The following CDH8 variants were observed in gnomAD, a reference collection of about 807,000 sequenced individuals.
CDH8 encodes the protein cadherin-8.
In CDH8, 17 loss-of-function variants were observed where a neutral mutation model predicts 68.1. That is an observed-to-expected ratio of 0.25 (90% confidence interval 0.17 to 0.37). The LOEUF is 0.37. Ranked by LOEUF, CDH8 falls within the 10% of genes least tolerant of loss-of-function variation. CDH8 has a pLI of 1.00. For synonymous variants in CDH8, 372 were observed against 365.1 expected (o/e 1.02, Z -0.21); for missense variants, 763 against 999.3 (o/e 0.76, Z 3.19).
rs993292756 is a variant in CDH8, at chr16:61,702,996, T to C, written c.1654+10845A>G. Among the ~76,000 whole-genome samples the C allele has an allele frequency of 6.6e-5, 10 of 152,196 alleles. No individual in the cohort carries two copies. The East Asian group carries it at 1.9e-3, about 29-fold the overall frequency. On this transcript the variant is annotated intron_variant, in intron 10 of 11. Transcript: ENST00000577390. Reference sequence around the variant, plus strand: ...ATAGGTGCCTAATAAATTTTAGACATTGATTTTTCTTGCAATTTGATATAT... The same window carrying C: ...ATAGGTGCCTAATAAATTTTAGACACTGATTTTTCTTGCAATTTGATATAT...
At chr16:61,887,477 C>T (rs1428461715) in intron 3 of CDH8, among the ~76,000 whole-genome samples, 1 of 152,112 alleles carries the variant, frequency 6.6e-6, no homozygotes, top group Non-Finnish European at 1.5e-5. Context: ...TTCTTCTGAG[C>T]CTTCTCTCTC....
chr16:61,840,206 C>A (rs1319203253), intron 4 of CDH8, among the ~76,000 whole-genome samples: 3 of 152,166 alleles, frequency 2.0e-5, no homozygotes, highest in Non-Finnish European at 4.4e-5. Flanking sequence ...ATCCCAGGCA[C>A]ACTTCATAGA....
At chr16:62,031,676 A>AC (rs1902329509) in intron 1 of CDH8, among the ~76,000 whole-genome samples, 3 of 121,986 alleles carry the variant, frequency 2.5e-5, no homozygotes, top group Non-Finnish European at 3.4e-5. Context: ...ACACACCCAC[A>AC]AACACACACA....
chr16:61,974,890 TC>T (rs1244920023), intron 2 of CDH8, among the ~76,000 whole-genome samples: 3 of 152,134 alleles, frequency 2.0e-5, no homozygotes, highest in Non-Finnish European at 4.4e-5. Context: ...CACATTGATT[TC>T]CTGATAAGAA....
intron 2 of CDH8, among the ~76,000 whole-genome samples, chr16:61,953,922 T>C (rs1322948945): frequency 1.6e-5 from 2 of 127,644 alleles, no homozygotes; most frequent in Non-Finnish European, 3.3e-5. Context: ...TATATATATA[T>C]ATATAAAATA....
intron 8 of CDH8, among the ~76,000 whole-genome samples, chr16:61,774,986 T>C (rs1342541125): frequency 6.6e-6 from 1 of 152,130 alleles, no homozygotes; most frequent in African/African-American, 2.4e-5. Context: ...TAAAAATGCA[T>C]TAATACATAA....
chr16:62,015,035 A>G (rs879484311), intron 2 of CDH8, among the ~76,000 whole-genome samples: 16 of 152,118 alleles, frequency 1.1e-4, no homozygotes, highest in Admixed American at 7.2e-4. Context: ...ACACACACAC[A>G]GAGGCTGAGC....
chr16:61,884,723 T>C (rs757107970), intron 3 of CDH8, among the ~76,000 whole-genome samples: 1 of 152,126 alleles, frequency 6.6e-6, no homozygotes, highest in African/African-American at 2.4e-5. Context: ...TACTTTATTG[T>C]AAGAATGTAG....
chr16:61,916,394 C>T (rs1297114750), intron 2 of CDH8, among the ~76,000 whole-genome samples: 2 of 151,932 alleles, frequency 1.3e-5, no homozygotes, highest in African/African-American at 4.8e-5. Context: ...GCATGCCTGA[C>T]GTCCCAGCTA....
intron 10 of CDH8, among the ~76,000 whole-genome samples, chr16:61,695,865 G>A (rs997033009): frequency 6.6e-6 from 1 of 152,108 alleles, no homozygotes; most frequent in Non-Finnish European, 1.5e-5. Flanking sequence ...AGGCATTGAA[G>A]TGTTTGCGGA....
intron 2 of CDH8, among the ~76,000 whole-genome samples, chr16:61,926,402 T>C (rs888324290): frequency 6.6e-6 from 1 of 152,160 alleles, no homozygotes; most frequent in Non-Finnish European, 1.5e-5. Context: ...AGTCTTCTGA[T>C]TTATTTGTAG....
chr16:61,779,462 T>TGC (rs1310706610), intron 8 of CDH8, among the ~76,000 whole-genome samples: 30 of 136,292 alleles, frequency 2.2e-4, no homozygotes, highest in African/African-American at 7.1e-4. Flanking sequence ...TGTGTGTGTG[T>TGC]GTGCGCGCAT....
Position 61,652,576 on chromosome 16 carries a change from A to C in CDH8, c.*1032T>G. ...AGAGACTATTAGCTCTCCTTTCGAT[A>C]ATATTGCCTGCCATACTCATCTCAT... On this transcript the variant is annotated 3_prime_UTR_variant, in exon 12 of 12. Coordinates refer to ENST00000577390, the MANE Select transcript of CDH8 (RefSeq NM_001796.5). The C allele has an allele frequency of 9.4e-7, 1 of 1,062,566 alleles. No homozygotes were observed. The highest frequency in any genetic ancestry group is 1.1e-6 in the Non-Finnish European group (1 of 873,182). 65.8% of individuals were successfully genotyped at this position (1,062,566 alleles called of 1,614,324 possible).
At chr16:61,756,327 T>C (rs984417081) in intron 8 of CDH8, among the ~76,000 whole-genome samples, 9 of 152,284 alleles carry the variant, frequency 5.9e-5, no homozygotes, top group African/African-American at 2.2e-4. Context: ...TGTGTCATTC[T>C]CTCCACTTAC....
intron 10 of CDH8, among the ~76,000 whole-genome samples, chr16:61,704,495 A>G (rs1413613411): frequency 6.6e-6 from 1 of 152,236 alleles, no homozygotes; most frequent in African/African-American, 2.4e-5. Flanking sequence ...AAGATATTTT[A>G]TACAGTAATT....
At chr16:61,906,345 G>GA (rs1366177696) in intron 2 of CDH8, among the ~76,000 whole-genome samples, 1 of 152,126 alleles carries the variant, frequency 6.6e-6, no homozygotes, top group African/African-American at 2.4e-5. Context: ...TAGCATCCAG[G>GA]ATCTGGCACG....
At chr16:61,716,996 C>T (rs535309932) in intron 9 of CDH8, among the ~76,000 whole-genome samples, 2 of 151,736 alleles carry the variant, frequency 1.3e-5, no homozygotes, top group East Asian at 3.9e-4. Flanking sequence ...TATTGACATA[C>T]CGAGTAGAGG....
chr16:61,859,799 G>A (rs1189045320), intron 3 of CDH8, among the ~76,000 whole-genome samples: 7 of 152,076 alleles, frequency 4.6e-5, no homozygotes, highest in Non-Finnish European at 1.0e-4. Flanking sequence ...TTAAGAGGTG[G>A]GGCCTTTAAG....
chr16:61,759,648 G>C (rs914592388), intron 8 of CDH8, among the ~76,000 whole-genome samples: 1 of 152,098 alleles, frequency 6.6e-6, no homozygotes, highest in African/African-American at 2.4e-5. Flanking sequence ...GAGTAATGCT[G>C]TCTACAGAAA....
Sources: gnomAD v4.1 joint callset for allele counts (sites outside exome capture counted in the v4.1 genomes callset) on GRCh38, gnomAD v4.1.1 for gene constraint, MANE v1.5 for transcripts, NCBI Gene and HGNC (gene_info 2026-07-23, HGNC 2026-07-21) for gene names.